FAF1: variants seen among roughly 807,000 people sequenced by gnomAD.
FAF1 encodes FAS-associated factor 1.
Under a neutral mutation model 92.5 loss-of-function variants are expected in FAF1, and 25 were observed. The ratio of observed to expected loss-of-function variants is 0.27; its 90% CI spans 0.20 to 0.38. The LOEUF (loss-of-function observed/expected upper bound fraction) is 0.38, where lower values mean the gene tolerates loss of function less well. FAF1 is among the 10% of genes least tolerant of loss of function. The probability of loss-of-function intolerance (pLI) is 1.00; values close to 1 mark genes in which losing one functional copy is unlikely to be tolerated. For missense variants in FAF1, 636 were observed against 793.3 expected, an observed-to-expected ratio of 0.80 and a Z score of 2.38; for synonymous variants, 234 against 273.2, an observed-to-expected ratio of 0.86 and a Z score of 1.42.
At chr1:50,479,067 A>G (rs1008787121) in intron 17 of FAF1, among the ~76,000 whole-genome samples, 4 of 152,196 alleles carry the variant, frequency 2.6e-5, no homozygotes, top group Non-Finnish European at 5.9e-5. Flanking sequence ...TTTTAATTAA[A>G]TGCAATGTTA....
At chr1:50,639,259 T>A (rs1186378457) in intron 8 of FAF1, among the ~76,000 whole-genome samples, 1 of 152,210 alleles carries the variant, frequency 6.6e-6, no homozygotes, top group Non-Finnish European at 1.5e-5. Context: ...CAATAAAAAT[T>A]CAAGTACAAA....
intron 7 of FAF1, among the ~76,000 whole-genome samples, chr1:50,689,097 G>T (rs1656799700): frequency 6.6e-6 from 1 of 152,114 alleles, no homozygotes; most frequent in Non-Finnish European, 1.5e-5. Flanking sequence ...TTTGAAAATG[G>T]GTTAAAGTGA....
In FAF1 at chr1:50,510,958, C is replaced by T. The variant is rs141610232; in HGVS notation, c.1495-19157G>A. ...TTAAACTCTGCCTATGTATTATATACATTCTTTTATATGGAAGACATATTT... is the reference window on the plus strand; with the variant it reads ...TTAAACTCTGCCTATGTATTATATATATTCTTTTATATGGAAGACATATTT... On this transcript the variant is annotated intron_variant, in intron 15 of 18. Coordinates refer to ENST00000396153, the MANE Select transcript of FAF1 (RefSeq NM_007051.3). 6.4e-3 allele frequency among the ~76,000 whole-genome samples: 967 copies of T among 152,256 alleles called. 14 individuals are homozygous for T. The highest frequency in any genetic ancestry group is 0.022 in the African/African-American group (896 of 41,552).
In FAF1 at chr1:50,657,313, T is replaced by TAATTCTTGGCA. The variant is rs879895836; in HGVS notation, c.658-1786_658-1785insTGCCAAGAATT. 6.6e-3 allele frequency among the ~76,000 whole-genome samples: 1,006 copies of TAATTCTTGGCA among 152,314 alleles called. 4 individuals carry two copies. The highest frequency in any genetic ancestry group is 0.011 in the Non-Finnish European group (731 of 68,022). ...TCATAATAATGGAGAGATTATCCATTTTAATTAATTCTTCAAGTTAATTAT... is the reference window on the plus strand; with the variant it reads ...TCATAATAATGGAGAGATTATCCATTAATTCTTGGCATTAATTAATTCTTCAAGTTAATTAT... On this transcript the variant is annotated intron_variant, in intron 7 of 18. Coordinates refer to ENST00000396153, the MANE Select transcript of FAF1 (RefSeq NM_007051.3).
chr1:50,706,802 T>C (rs1657692491), intron 6 of FAF1, among the ~76,000 whole-genome samples: 1 of 152,206 alleles, frequency 6.6e-6, no homozygotes, highest in African/African-American at 2.4e-5. Context: ...GCCATGCCTA[T>C]GGTACCAGGA....
chr1:50,442,991 C>T (rs1646187459), intron 18 of FAF1, among the ~76,000 whole-genome samples: 2 of 152,188 alleles, frequency 1.3e-5, no homozygotes, highest in African/African-American at 4.8e-5. Flanking sequence ...CACTGAGGGG[C>T]AAGCTGCTGG....
intron 18 of FAF1, among the ~76,000 whole-genome samples, chr1:50,463,299 C>G (rs760494216): frequency 6.6e-6 from 1 of 152,080 alleles, no homozygotes; most frequent in Non-Finnish European, 1.5e-5. Context: ...GAAGGTTGTG[C>G]CTGGTTTCCC....
At chr1:50,605,946 A>C (rs1053244648) in intron 8 of FAF1, among the ~76,000 whole-genome samples, 1 of 152,216 alleles carries the variant, frequency 6.6e-6, no homozygotes, top group East Asian at 1.9e-4. Context: ...CCAGGCTTTG[A>C]TAACTAATGT....
At chr1:50,761,626 C>A (rs1660331016) in intron 4 of FAF1, among the ~76,000 whole-genome samples, 1 of 152,172 alleles carries the variant, frequency 6.6e-6, no homozygotes, top group Non-Finnish European at 1.5e-5. Flanking sequence ...AAGCCTTTGA[C>A]AAAATTCAAC....
intron 1 of FAF1, among the ~76,000 whole-genome samples, chr1:50,927,271 AT>A (rs962074450): frequency 2.1e-4 from 32 of 150,992 alleles, no homozygotes; most frequent in South Asian, 8.4e-4. Context: ...TTTTACCAGA[AT>A]TTTTTTTTTA....
At chr1:50,943,639 C>G (rs1202141370) in intron 1 of FAF1, among the ~76,000 whole-genome samples, 4 of 152,048 alleles carry the variant, frequency 2.6e-5, no homozygotes, top group African/African-American at 9.7e-5. Flanking sequence ...AAAGATAATT[C>G]TTCACAGGGT....
chr1:50,554,762 C>T (rs1459548988), intron 13 of FAF1, among the ~76,000 whole-genome samples: 1 of 152,100 alleles, frequency 6.6e-6, no homozygotes, highest in Non-Finnish European at 1.5e-5. Context: ...CTGAAAACAA[C>T]TGTATCCAAG....
At chr1:50,742,305 A>T (rs566188214) in intron 5 of FAF1, among the ~76,000 whole-genome samples, 1 of 151,046 alleles carries the variant, frequency 6.6e-6, no homozygotes, top group African/African-American at 2.4e-5. Flanking sequence ...CAGGGTGAGA[A>T]CTCATCTCAT....
chr1:50,930,943 C>G (rs1645042411), intron 1 of FAF1, among the ~76,000 whole-genome samples: 1 of 152,198 alleles, frequency 6.6e-6, no homozygotes, highest in South Asian at 2.1e-4. Flanking sequence ...TACTCCTTAA[C>G]TTGAAGTCTT....
intron 1 of FAF1, among the ~76,000 whole-genome samples, chr1:50,902,871 T>G (rs1463908808): frequency 6.6e-6 from 1 of 152,210 alleles, no homozygotes; most frequent in Non-Finnish European, 1.5e-5. Flanking sequence ...TGGTTGAATC[T>G]GGAAATGCCG....
intron 15 of FAF1, among the ~76,000 whole-genome samples, chr1:50,534,669 C>T (rs1349597154): frequency 6.6e-6 from 1 of 152,140 alleles, no homozygotes; most frequent in East Asian, 1.9e-4. Flanking sequence ...TGTCTATTTA[C>T]TGCCATAACA....
intron 1 of FAF1, among the ~76,000 whole-genome samples, chr1:50,948,267 T>C (rs1645186063): frequency 6.6e-6 from 1 of 152,220 alleles, no homozygotes; most frequent in Admixed American, 6.5e-5. Flanking sequence ...TAGTCCATTC[T>C]TGTGTTGCTA....
At chr1:50,823,083 A>G (rs1644060723) in intron 2 of FAF1, among the ~76,000 whole-genome samples, 1 of 152,096 alleles carries the variant, frequency 6.6e-6, no homozygotes, top group South Asian at 2.1e-4. Context: ...CAAGGCTAGC[A>G]GTTTTAAGGG....
chr1:50,615,973 T>G lies in FAF1; in HGVS notation c.745-19757A>C, dbSNP rs191237203. Among the ~76,000 whole-genome samples, 357 of 152,288 alleles carry G rather than the reference T, an allele frequency of 2.3e-3. 1 individual carries two copies. Among genetic ancestry groups the G allele is most frequent in the African/African-American group, 8.4e-3 (348 of 41,558 alleles). ...GTATTTCCCACGTTTTCTTCTGGGA[T>G]TTTTATAGTTTGAGGTTTTACATTT... On this transcript the variant is annotated intron_variant, in intron 8 of 18. Coordinates refer to ENST00000396153, the MANE Select transcript of FAF1 (RefSeq NM_007051.3).
Sources: gnomAD v4.1 joint callset for allele counts (sites outside exome capture counted in the v4.1 genomes callset) on GRCh38, gnomAD v4.1.1 for gene constraint, MANE v1.5 for transcripts, NCBI Gene and HGNC (gene_info 2026-07-23, HGNC 2026-07-21) for gene names.